Variants in DIP2C observed in about 807,000 individuals in gnomAD.
DIP2C encodes the protein DIP2 acetate--CoA ligase C (putative), also known as disco-interacting protein 2 homolog C.
In DIP2C, 33 loss-of-function variants were observed where a neutral mutation model predicts 192.4. The observed-to-expected ratio is 0.17, with a 90% CI of 0.13 to 0.23. DIP2C has a LOEUF of 0.23. Ranked by LOEUF, DIP2C falls within the 10% of genes least tolerant of loss-of-function variation. DIP2C has a pLI of 1.00. For missense variants in DIP2C, 1,537 were observed against 2,110.1 expected (o/e 0.73, Z 5.32); for synonymous variants, 979 against 864.1 (o/e 1.13, Z -2.33).
At position 349,440 on chromosome 10, in the gene DIP2C, G is replaced by A; in HGVS notation, c.3000C>T (p.Asn1000=). 6.2e-7 allele frequency: 1 copy of A among 1,607,866 alleles called. No individual in the cohort carries two copies. Residue 1000 remains asparagine (N), a synonymous_variant, in exon 25 of 37, where the codon AAC becomes AAT. Transcript: ENST00000280886. ...TGTGCAGCTGCACGCAGGTCAGCGA[G>A]TTCGCTATCGCACCCTGCGGGCCGA... The part of the protein sequence containing the change: ...TLLNCRGAIA[N]SLTCVQLHKR...
At chr10:617,228 C>T (rs1214154465) in intron 1 of DIP2C, among the ~76,000 whole-genome samples, 1 of 151,830 alleles carries the variant, frequency 6.6e-6, no homozygotes, top group Non-Finnish European at 1.5e-5. Flanking sequence ...CCTCCGCCCC[C>T]CACTACCGCA....
chr10:605,918 G>A (rs995770347), intron 1 of DIP2C, among the ~76,000 whole-genome samples: 5 of 152,162 alleles, frequency 3.3e-5, no homozygotes, highest in Non-Finnish European at 7.3e-5. Flanking sequence ...CTTTCAGGCC[G>A]TGCCATTTCC....
chr10:589,307 G>A (rs534901315), intron 1 of DIP2C, among the ~76,000 whole-genome samples: 1 of 152,198 alleles, frequency 6.6e-6, no homozygotes, highest in South Asian at 2.1e-4. Context: ...TTCCCTAGGG[G>A]TGTCTTTTAT....
At chr10:516,085 G>A (rs2130795063) in intron 1 of DIP2C, among the ~76,000 whole-genome samples, 1 of 151,080 alleles carries the variant, frequency 6.6e-6, no homozygotes, top group Non-Finnish European at 1.5e-5. Context: ...GAGGAAACGA[G>A]GGGGTTTCCT....
At chr10:633,785 C>T (rs1461027027) in intron 1 of DIP2C, among the ~76,000 whole-genome samples, 1 of 152,250 alleles carries the variant, frequency 6.6e-6, no homozygotes, top group Non-Finnish European at 1.5e-5. Context: ...TCTGAAATAA[C>T]TGCAGACGAG....
chr10:593,541 A>T (rs531095588), intron 1 of DIP2C, among the ~76,000 whole-genome samples: 196 of 122,368 alleles, frequency 1.6e-3, no homozygotes, highest in African/African-American at 5.4e-3. Flanking sequence ...TCCTCGTGGA[A>T]GGCTGCCCTG....
At chr10:608,961 TAGA>T (rs979719531) in intron 1 of DIP2C, among the ~76,000 whole-genome samples, 5 of 151,698 alleles carry the variant, frequency 3.3e-5, no homozygotes, top group Non-Finnish European at 2.9e-5. Context: ...CAATGTCTAT[TAGA>T]AGAATTTGTT....
rs781669452 is a variant in DIP2C, at chr10:283,477, G to A, written c.4120-31C>T. The A allele has an allele frequency of 4.3e-6, 7 of 1,610,564 alleles. No individual in the cohort carries two copies. In the African/African-American group the frequency reaches 6.7e-5, roughly 15 times the overall value. ...AACGGAGGGAAATGTCACTGTGGAT[G>A]ACATTATTTTATCTCCAGGGAAATG... On this transcript the variant is annotated intron_variant, in intron 34 of 36. Coordinates refer to ENST00000280886, the MANE Select transcript of DIP2C (RefSeq NM_014974.3).
chr10:594,965 A>C (rs961309081), intron 1 of DIP2C, among the ~76,000 whole-genome samples: 1 of 152,222 alleles, frequency 6.6e-6, no homozygotes, highest in East Asian at 1.9e-4. Flanking sequence ...GAGAGGAGAC[A>C]GAACACGCCC....
intron 1 of DIP2C, among the ~76,000 whole-genome samples, chr10:597,503 A>G (rs573581019): frequency 6.6e-6 from 1 of 152,346 alleles, no homozygotes; most frequent in East Asian, 1.9e-4. Flanking sequence ...ATGGAGACCA[A>G]TGGACAGAGG....
intron 1 of DIP2C, among the ~76,000 whole-genome samples, chr10:572,726 T>C (rs1387805246): frequency 6.6e-6 from 1 of 152,164 alleles, no homozygotes; most frequent in Non-Finnish European, 1.5e-5. Context: ...TCCATTCATC[T>C]GAAAGTCACA....
chr10:659,657 C>G (rs1856634991), intron 1 of DIP2C, among the ~76,000 whole-genome samples: 1 of 152,212 alleles, frequency 6.6e-6, no homozygotes, highest in South Asian at 2.1e-4. Flanking sequence ...TAATTATAGT[C>G]AGAGTCAGCA....
intron 9 of DIP2C, among the ~76,000 whole-genome samples, chr10:399,714 G>C (rs184942399): frequency 3.9e-5 from 6 of 152,186 alleles, no homozygotes; most frequent in African/African-American, 1.2e-4. Context: ...GTCTTAATGC[G>C]GTGGTCAAGG....
chr10:396,145 T>C (rs1271426212), intron 10 of DIP2C, among the ~76,000 whole-genome samples: 1 of 152,222 alleles, frequency 6.6e-6, no homozygotes, highest in Non-Finnish European at 1.5e-5. Context: ...TTCTGATTTG[T>C]TCAAAACGTA....
chr10:418,052 C>A (rs1332198410), intron 6 of DIP2C, among the ~76,000 whole-genome samples: 2 of 12,836 alleles, frequency 1.6e-4, no homozygotes, highest in Non-Finnish European at 2.0e-4. Context: ...GTCAGGGCTT[C>A]GATAGGCCTC....
chr10:420,193 C>T (rs537008328), intron 5 of DIP2C, among the ~76,000 whole-genome samples: 4 of 152,350 alleles, frequency 2.6e-5, no homozygotes, highest in African/African-American at 7.2e-5. Flanking sequence ...GCCCGGAGGC[C>T]GTCTAGACGG....
chr10:334,230 C>G (rs912217625), intron 29 of DIP2C, among the ~76,000 whole-genome samples: 15 of 131,942 alleles, frequency 1.1e-4, no homozygotes, highest in African/African-American at 3.9e-4. Context: ...TCACTTGAAC[C>G]TTGGAGGCAG....
chr10:295,237 C>T (rs1331506687), intron 32 of DIP2C, among the ~76,000 whole-genome samples: 1 of 152,058 alleles, frequency 6.6e-6, no homozygotes. Flanking sequence ...AAAGTCAAAA[C>T]TACAATGAGA....
chr10:348,235 C>T (rs965420002), intron 26 of DIP2C, among the ~76,000 whole-genome samples: 1 of 152,188 alleles, frequency 6.6e-6, no homozygotes, highest in African/African-American at 2.4e-5. Flanking sequence ...CAGCTGTAGA[C>T]GAAGGAAAAC....
Sources: gnomAD v4.1 joint callset for allele counts (sites outside exome capture counted in the v4.1 genomes callset) on GRCh38, gnomAD v4.1.1 for gene constraint, MANE v1.5 for transcripts, NCBI Gene and HGNC (gene_info 2026-07-23, HGNC 2026-07-21) for gene names.